GRIK2: variants seen among roughly 807,000 people sequenced by gnomAD.
The protein encoded by GRIK2 is glutamate ionotropic receptor kainate type subunit 2.
A neutral mutation model predicts 100.3 loss-of-function variants in GRIK2; 32 were observed. The observed-to-expected ratio is 0.32, with a 90% CI of 0.24 to 0.43. The LOEUF (loss-of-function observed/expected upper bound fraction) is 0.43. GRIK2 is among the 20% of genes least tolerant of loss of function. The pLI, the probability that GRIK2 is intolerant of heterozygous loss-of-function variation, is 1.00. For missense variants in GRIK2, 843 were observed against 1,114.9 expected (o/e 0.76, Z 3.47); for synonymous variants, 417 against 389.4 (o/e 1.07, Z -0.83).
intron 14 of GRIK2, among the ~76,000 whole-genome samples, chr6:102,003,837 GTA>G (rs1424559366): frequency 6.6e-6 from 1 of 151,642 alleles, no homozygotes; most frequent in East Asian, 1.9e-4. Context: ...AGAACTTTCT[GTA>G]TAGTGTAACT....
chr6:101,807,453 C>G (rs1781075046), intron 9 of GRIK2, among the ~76,000 whole-genome samples: 1 of 151,862 alleles, frequency 6.6e-6, no homozygotes, highest in Admixed American at 6.6e-5. Flanking sequence ...AAAGCTCACC[C>G]AAATGAGAAC....
intron 14 of GRIK2, among the ~76,000 whole-genome samples, chr6:101,946,244 A>T (rs1468714059): frequency 6.6e-6 from 1 of 152,064 alleles, no homozygotes. Flanking sequence ...ATATCTTCTG[A>T]TATATATAAT....
chr6:101,442,806 G>A (rs1770153366), intron 2 of GRIK2, among the ~76,000 whole-genome samples: 1 of 152,124 alleles, frequency 6.6e-6, no homozygotes, highest in Non-Finnish European at 1.5e-5. Flanking sequence ...ACAAAAGTAG[G>A]GAGTAGGCAG....
At chr6:102,008,022 G>T (rs1450622788) in intron 14 of GRIK2, among the ~76,000 whole-genome samples, 1 of 152,000 alleles carries the variant, frequency 6.6e-6, no homozygotes, top group Admixed American at 6.6e-5. Context: ...AAAATCAAAA[G>T]TTAGAAGGCA....
intron 12 of GRIK2, among the ~76,000 whole-genome samples, chr6:101,915,687 A>C (rs1349603451): frequency 6.6e-6 from 1 of 151,394 alleles, no homozygotes; most frequent in Admixed American, 6.6e-5. Flanking sequence ...AAAAGAATGT[A>C]ATGGCAGTGA....
At chr6:101,522,521 A>G (rs1774928365) in intron 2 of GRIK2, among the ~76,000 whole-genome samples, 1 of 152,044 alleles carries the variant, frequency 6.6e-6, no homozygotes, top group Non-Finnish European at 1.5e-5. Flanking sequence ...TTAACATGTA[A>G]CCCTTCAATA....
intron 7 of GRIK2, among the ~76,000 whole-genome samples, chr6:101,704,014 T>C (rs1245025203): frequency 6.6e-6 from 1 of 151,438 alleles, no homozygotes; most frequent in Non-Finnish European, 1.5e-5. Context: ...GAAGGGGCAA[T>C]AGGAGCAAAA....
At chr6:101,859,674 A>G (rs2128443301) in intron 11 of GRIK2, among the ~76,000 whole-genome samples, 181 bp downstream of exon 11, 1 of 152,342 alleles carries the variant, frequency 6.6e-6, no homozygotes, top group African/African-American at 2.4e-5. Flanking sequence ...AGAGGGATAT[A>G]TAGCCCTATA....
Position 101,518,186 on chromosome 6 carries a change from T to TA in GRIK2, c.116-103755dup, listed in dbSNP as rs960514216. Among the ~76,000 whole-genome samples the TA allele has an allele frequency of 9.2e-5, 14 of 151,976 alleles. No individual in the cohort carries two copies. The South Asian group carries it at 1.5e-3, about 16-fold the overall frequency. On this transcript the variant is annotated intron_variant, in intron 2 of 16. Transcript: ENST00000369134. ...AAGACTAATATGTTGGCAATAAAGT[T>TA]AAAAAAAAGTGCTATGGCAAGTGTT...
intron 2 of GRIK2, among the ~76,000 whole-genome samples, chr6:101,513,953 C>T (rs921027888): frequency 1.3e-5 from 2 of 151,784 alleles, no homozygotes; most frequent in African/African-American, 2.4e-5. Flanking sequence ...TAGAGATCAA[C>T]AAATCAAAAA....
intron 14 of GRIK2, among the ~76,000 whole-genome samples, chr6:101,940,987 T>G (rs933886901): frequency 4.6e-5 from 7 of 152,170 alleles, no homozygotes; most frequent in Non-Finnish European, 8.8e-5. Context: ...TTATAGAGCA[T>G]GTGATTTGTG....
intron 7 of GRIK2, among the ~76,000 whole-genome samples, chr6:101,703,621 C>A (rs977428077): frequency 3.3e-5 from 5 of 151,382 alleles, no homozygotes; most frequent in African/African-American, 1.2e-4. Flanking sequence ...TTTAGGATAC[C>A]ATAGAAATGA....
At chr6:102,041,880 A>ACTGT (rs963799013) in intron 15 of GRIK2, among the ~76,000 whole-genome samples, 1 of 151,598 alleles carries the variant, frequency 6.6e-6, no homozygotes, top group Non-Finnish European at 1.5e-5. Context: ...CATTTTTAGA[A>ACTGT]CTGTCTTGTC....
chr6:101,718,909 T>A (rs1562332236), intron 7 of GRIK2, among the ~76,000 whole-genome samples: 1 of 152,048 alleles, frequency 6.6e-6, no homozygotes, highest in African/African-American at 2.4e-5. Context: ...AATAACACAA[T>A]TGTGTCTGTA....
At chr6:101,452,076 T>C (rs1298850914) in intron 2 of GRIK2, among the ~76,000 whole-genome samples, 1 of 151,732 alleles carries the variant, frequency 6.6e-6, no homozygotes. Flanking sequence ...TCACAAAACA[T>C]GGAGGACATG....
At chr6:101,735,007 A>G (rs1775538152) in intron 7 of GRIK2, among the ~76,000 whole-genome samples, 1 of 152,104 alleles carries the variant, frequency 6.6e-6, no homozygotes, top group Admixed American at 6.6e-5. Flanking sequence ...AAAGGGAGGG[A>G]TCAATAATGG....
intron 11 of GRIK2, among the ~76,000 whole-genome samples, chr6:101,887,051 A>G (rs1184492675): frequency 6.6e-6 from 1 of 151,100 alleles, no homozygotes; most frequent in South Asian, 2.1e-4. Flanking sequence ...GATGGTCTCG[A>G]TCTCCTGACC....
At chr6:101,398,331 A>C (rs1775099328) in intron 1 of GRIK2, among the ~76,000 whole-genome samples, 1 of 152,230 alleles carries the variant, frequency 6.6e-6, no homozygotes, top group African/African-American at 2.4e-5. Context: ...CTCCATTTTA[A>C]TTTGAGATTT....
chr6:101,848,788 A>G (rs2128438693), intron 10 of GRIK2, among the ~76,000 whole-genome samples: 1 of 152,186 alleles, frequency 6.6e-6, no homozygotes. Context: ...CCATCCCTTG[A>G]TCAAATCATA....
Sources: gnomAD v4.1 joint callset for allele counts (sites outside exome capture counted in the v4.1 genomes callset) on GRCh38, gnomAD v4.1.1 for gene constraint, MANE v1.5 for transcripts, NCBI Gene and HGNC (gene_info 2026-07-23, HGNC 2026-07-21) for gene names.